Variants in ST3GAL1 observed in about 807,000 individuals in gnomAD.
ST3GAL1 encodes the protein CMP-N-acetylneuraminate-beta-galactosamide-alpha-2,3-sialyltransferase 1.
ST3GAL1 carries 16 observed loss-of-function variants against 34.1 expected under a neutral mutation model. The ratio of observed to expected loss-of-function variants is 0.47; its 90% confidence interval spans 0.32 to 0.71. The LOEUF (loss-of-function observed/expected upper bound fraction) is 0.71. ST3GAL1 is among the 30% of genes least tolerant of loss of function. The pLI is 0.04. For missense variants in ST3GAL1, 353 were observed against 447.4 expected, an observed-to-expected ratio of 0.79 and a Z score of 1.90; for synonymous variants, 191 against 184.7, an observed-to-expected ratio of 1.03 and a Z score of -0.28.
At chr8:133,460,960 G>T (rs1815476402) in intron 9 of ST3GAL1, among the ~76,000 whole-genome samples, 3 of 152,186 alleles carry the variant, frequency 2.0e-5, no homozygotes, top group Admixed American at 2.0e-4. Context: ...ATGCAACATG[G>T]ACATGGGCCT....
chr8:133,515,788 T>C (rs905038414), intron 2 of ST3GAL1: 2 of 152,216 alleles, frequency 1.3e-5, no homozygotes, highest in Non-Finnish European at 2.9e-5. Flanking sequence ...CAGTAGATTG[T>C]GATAAATCAT....
chr8:133,472,460 G>A (rs957786833), intron 5 of ST3GAL1, among the ~76,000 whole-genome samples: 4 of 152,160 alleles, frequency 2.6e-5, no homozygotes, highest in Non-Finnish European at 5.9e-5. Flanking sequence ...GATGAGATTT[G>A]GGTGAAAGCC....
chr8:133,562,828 TCC>T, intron 1 of ST3GAL1, among the ~76,000 whole-genome samples: 5 of 115,116 alleles, frequency 4.3e-5, no homozygotes, highest in African/African-American at 1.6e-4. Context: ...CTTCCTTCCT[TCC>T]TTCCTTCCTT....
intron 1 of ST3GAL1, among the ~76,000 whole-genome samples, chr8:133,561,377 A>G (rs1439182213): frequency 6.6e-6 from 1 of 152,034 alleles, no homozygotes; most frequent in African/African-American, 2.4e-5. Context: ...TTCCACTGAG[A>G]CACACATACC....
intron 2 of ST3GAL1, among the ~76,000 whole-genome samples, chr8:133,520,255 G>T (rs1817762946): frequency 1.3e-5 from 2 of 152,190 alleles, no homozygotes; most frequent in African/African-American, 4.8e-5. Flanking sequence ...GCTGGAGCCG[G>T]GGACAACTCG....
At chr8:133,566,483 C>G (rs1403937990) in intron 1 of ST3GAL1, among the ~76,000 whole-genome samples, 1 of 152,172 alleles carries the variant, frequency 6.6e-6, no homozygotes, top group Non-Finnish European at 1.5e-5. Context: ...GCATGCACAA[C>G]TCTCCCAAGA....
Position 133,508,523 on chromosome 8 carries a change from T to A in ST3GAL1, c.-428-9334A>T, listed in dbSNP as rs908828096. 1.3e-5 allele frequency among the ~76,000 whole-genome samples: 2 copies of A among 152,126 alleles called. No individual in the cohort carries two copies. Among genetic ancestry groups the A allele is most frequent in the Admixed American group, 6.5e-5 (1 of 15,270 alleles). On this transcript the variant is annotated intron_variant, in intron 2 of 9. Transcript: ENST00000522652. The surrounding 1 kb of genome is among the most constrained non-coding windows in gnomAD (Gnocchi z 4.1). ...ACGTGCACGGAGTCCCAGACTCAGG[T>A]TCTACAGGGAGGAAACTGAGATCCC...
intron 5 of ST3GAL1, among the ~76,000 whole-genome samples, 184 bp downstream of exon 5, chr8:133,475,535 G>C (rs377649967): frequency 2.6e-5 from 4 of 152,068 alleles, no homozygotes; most frequent in Admixed American, 2.6e-4. Context: ...AGGTGTACAC[G>C]GGGACTGAGC....
At chr8:133,525,755 C>T (rs1022149828) in intron 2 of ST3GAL1, among the ~76,000 whole-genome samples, 1 of 152,160 alleles carries the variant, frequency 6.6e-6, no homozygotes, top group African/African-American at 2.4e-5. Flanking sequence ...TACATACACA[C>T]CCAGCTGGGT....
Position 133,541,120 on chromosome 8 carries a change from T to TAGAG in ST3GAL1, c.-429+4650_-429+4653dup, listed in dbSNP as rs1554618899. On this transcript the variant is annotated intron_variant, in intron 2 of 9. Coordinates refer to ENST00000522652, the MANE Select transcript of ST3GAL1 (RefSeq NM_173344.3). ...ACATATATATATATATATATATATA[T>TAGAG]AGAGAGAGAGAGAGAGAGAGAGAGA... 3.7e-3 allele frequency among the ~76,000 whole-genome samples: 178 copies of TAGAG among 48,606 alleles called. 10 individuals carry two copies. The highest frequency in any genetic ancestry group is 6.8e-3 in the African/African-American group (69 of 10,128). The allele number at this position is 48,606 out of a possible 152,430, so 31.9% of individuals were successfully genotyped here. A position where few individuals can be genotyped will look rare whatever the true frequency, so the allele number is the denominator to read the frequency against.
intron 1 of ST3GAL1, among the ~76,000 whole-genome samples, chr8:133,547,491 TG>T (rs1331978742): frequency 2.0e-5 from 3 of 152,176 alleles, no homozygotes; most frequent in Non-Finnish European, 4.4e-5. Context: ...CTTGAGCTCC[TG>T]GGCATGAGCC....
At chr8:133,543,902 C>T (rs16904939) in intron 2 of ST3GAL1, among the ~76,000 whole-genome samples, 16,413 of 152,134 alleles carry the variant, frequency 0.11, 993 homozygotes, top group East Asian at 0.31. Context: ...TTCATATCTG[C>T]GTTAAACTCC....
intron 2 of ST3GAL1, among the ~76,000 whole-genome samples, chr8:133,512,596 T>C (rs2975738): frequency 0.23 from 34,347 of 151,972 alleles, 4,130 homozygotes; most frequent in African/African-American, 0.26. Context: ...CGGAGGCCAT[T>C]GAAAGGTGAA....
intron 3 of ST3GAL1, among the ~76,000 whole-genome samples, chr8:133,487,476 A>AT (rs771977042): frequency 5.9e-5 from 9 of 152,298 alleles, no homozygotes; most frequent in Admixed American, 1.3e-4. Context: ...AAGAAATGGC[A>AT]TGTGTGAGTT....
chr8:133,530,909 G>A lies in ST3GAL1; in HGVS notation c.-429+14865C>T, dbSNP rs149637844. Among the ~76,000 whole-genome samples the A allele has an allele frequency of 2.0e-3, 303 of 152,296 alleles. 2 individuals carry two copies. Among genetic ancestry groups the A allele is most frequent in the African/African-American group, 7.0e-3 (290 of 41,582 alleles). On this transcript the variant is annotated intron_variant, in intron 2 of 9. Coordinates refer to ENST00000522652, the MANE Select transcript of ST3GAL1 (RefSeq NM_173344.3). ...TTCATCAGCAAAGGGAGGGAAAGAA[G>A]ATGAGGAGTGTGGTCAGGAGTTGTC... is the stretch of plus-strand genomic sequence containing the variant.
At chr8:133,557,968 T>C (rs1272399155) in intron 1 of ST3GAL1, among the ~76,000 whole-genome samples, 2 of 150,692 alleles carry the variant, frequency 1.3e-5, no homozygotes, top group African/African-American at 4.9e-5. Context: ...AAATCTTAGG[T>C]ATGTCTCTTG....
chr8:133,530,355 C>T (rs1327205044), intron 2 of ST3GAL1, among the ~76,000 whole-genome samples: 1 of 151,536 alleles, frequency 6.6e-6, no homozygotes, highest in Non-Finnish European at 1.5e-5. Context: ...CATCTCGGCT[C>T]ACTGCAACCT....
chr8:133,536,752 G>T (rs1326478222), intron 2 of ST3GAL1, among the ~76,000 whole-genome samples: 1 of 152,156 alleles, frequency 6.6e-6, no homozygotes, highest in Admixed American at 6.5e-5. Flanking sequence ...CCAGCTTTTT[G>T]AGTCCTCGTG....
At chr8:133,485,928 C>G (rs555373977) in intron 3 of ST3GAL1, among the ~76,000 whole-genome samples, 1 of 152,314 alleles carries the variant, frequency 6.6e-6, no homozygotes, top group South Asian at 2.1e-4. Context: ...AAAACCATCC[C>G]TACTTGAGGT....
Sources: gnomAD v4.1 joint callset for allele counts (sites outside exome capture counted in the v4.1 genomes callset) on GRCh38, gnomAD v4.1.1 for gene constraint, Gnocchi (gnomAD v3.1) non-coding constraint, MANE v1.5 for transcripts, NCBI Gene and HGNC (gene_info 2026-07-23, HGNC 2026-07-21) for gene names.